Variants in SRPRB observed in about 807,000 individuals in gnomAD.
SRPRB encodes the protein signal recognition particle receptor subunit beta.
SRPRB carries 20 observed loss-of-function variants against 31.9 expected under a neutral mutation model. The observed-to-expected ratio is 0.63, with a 90% CI of 0.44 to 0.91. SRPRB has a LOEUF of 0.91. SRPRB is among the 40% of genes least tolerant of loss of function. The pLI is 0.00. For missense variants in SRPRB, 321 were observed against 324.9 expected, an observed-to-expected ratio of 0.99 and a Z score of 0.09; for synonymous variants, 146 against 132.8, an observed-to-expected ratio of 1.10 and a Z score of -0.68.
rs757208962 is a variant in SRPRB, at chr3:133,811,180, C to T, written c.391C>T (p.Arg131Trp). ...GAGTTTGAGGCTTCAGTTCTTAGAG[C>T]GGTTTAAGTCTTCAGCCAGGTAAGA... The part of the protein sequence containing the change: ...HESLRLQFLE[R>W]FKSSARAIVF... The change falls in exon 4 of 7, where the codon CGG (arginine) becomes TGG (tryptophan). Residue 131 changes from arginine to tryptophan, a missense_variant. Coordinates refer to ENST00000678299, the MANE Select transcript of SRPRB (RefSeq NM_001379313.1). 8.7e-6 allele frequency: 14 copies of T among 1,613,950 alleles called. No individual in the cohort carries two copies. Among genetic ancestry groups the T allele is most frequent in the Middle Eastern group, 1.6e-4 (1 of 6,084 alleles).
chr3:133,825,740 T>G (rs1240317628), downstream of SRPRB: 2 of 152,208 alleles, frequency 1.3e-5, no homozygotes, highest in Non-Finnish European at 2.9e-5. Flanking sequence ...GCTTTTAAGA[T>G]TCACCCCCTT....
At position 133,805,898 on chromosome 3, in the gene SRPRB, G is replaced by T. The variant is rs747654946; in HGVS notation, c.50G>T (p.Gly17Val). The T allele has an allele frequency of 3.7e-6, 6 of 1,613,614 alleles. No homozygotes were observed. The highest frequency in any genetic ancestry group is 5.1e-6 in the Non-Finnish European group (6 of 1,179,700). The change falls in exon 1 of 7, where the codon GGC (glycine) becomes GTC (valine). Residue 17 changes from glycine (G) to valine (V), a missense_variant. Transcript: ENST00000678299. ...GTGGCAGATGGCGGCGGTGCCGGGG[G>T]CACCTTCCAGCCCTACCTAGACACC... Reference protein sequence around the residue: ...RRVADGGGAGGTFQPYLDTLR... With the variant: ...RRVADGGGAGVTFQPYLDTLR...
intron 2 of SRPRB, 70 bp downstream of exon 2, chr3:133,806,773 C>G: frequency 1.7e-6 from 2 of 1,181,792 alleles, no homozygotes; most frequent in Non-Finnish European, 1.2e-6. Flanking sequence ...TTCCTGTCAT[C>G]TCACGGTTTA....
At chr3:133,787,567 A>G (rs1354492158) in intron 1 of SRPRB, 2 of 152,242 alleles carry the variant, frequency 1.3e-5, no homozygotes, top group Non-Finnish European at 2.9e-5. Flanking sequence ...TTTTGTAAAT[A>G]GCTTTTAAAA....
At chr3:133,812,622 C>T (rs1576383579) in intron 4 of SRPRB, among the ~76,000 whole-genome samples, 1 of 152,258 alleles carries the variant, frequency 6.6e-6, no homozygotes, top group East Asian at 1.9e-4. Flanking sequence ...CCAAGTTTCC[C>T]TAGTGGCTAT....
upstream of SRPRB, among the ~76,000 whole-genome samples, chr3:133,801,197 A>G (rs1371851485): frequency 6.6e-6 from 1 of 152,188 alleles, no homozygotes; most frequent in African/African-American, 2.4e-5. Flanking sequence ...GGTGAATGGG[A>G]CATTTTAGTT....
At position 133,806,794 on chromosome 3, in the gene SRPRB, G is replaced by T. The variant is rs1194155045; in HGVS notation, c.249+91G>T. 4.0e-6 allele frequency: 4 copies of T among 1,002,574 alleles called. No homozygotes were observed. The African/African-American group carries it at 6.4e-5, about 16-fold the overall frequency. The allele number at this position is 1,002,574 out of a possible 1,614,324, so 62.1% of individuals were successfully genotyped here. A position where few individuals can be genotyped will look rare whatever the true frequency, so the allele number is the denominator to read the frequency against. On this transcript the variant is annotated intron_variant, in intron 2 of 6. Coordinates refer to ENST00000678299, the MANE Select transcript of SRPRB (RefSeq NM_001379313.1). ...TCATCTCACGGTTTATTTTGTAAAA[G>T]AAGCTGATGCTGTTAAATTTGGAAG... is the stretch of plus-strand genomic sequence containing the variant.
At chr3:133,808,864 T>C (rs1349096782) in intron 3 of SRPRB, among the ~76,000 whole-genome samples, 2 of 140,092 alleles carry the variant, frequency 1.4e-5, no homozygotes, top group African/African-American at 2.7e-5. Context: ...CACTCCAGCC[T>C]GGGCAATAGA....
At chr3:133,792,308 CA>C (rs1343530394) in intron 1 of SRPRB, 3 of 152,250 alleles carry the variant, frequency 2.0e-5, no homozygotes, top group South Asian at 4.2e-4. Context: ...GTTAGAAAGT[CA>C]AAGCATGTCG....
At position 133,812,944 on chromosome 3, in the gene SRPRB, T is replaced by C. The variant is rs115657760; in HGVS notation, c.410+1745T>C. On this transcript the variant is annotated intron_variant, in intron 4 of 6. Coordinates refer to ENST00000678299, the MANE Select transcript of SRPRB (RefSeq NM_001379313.1). ...AGATTCAGTTTTCCCTCACTGAGTA[T>C]ATCTTTTAGAAGTGTTTCCAGAGAG... is the stretch of plus-strand genomic sequence containing the variant. Among the ~76,000 whole-genome samples the C allele has an allele frequency of 8.1e-3, 1,233 of 152,338 alleles. 16 individuals are homozygous for C. Among genetic ancestry groups the C allele is most frequent in the African/African-American group, 0.028 (1,164 of 41,560 alleles).
intron 6 of SRPRB, 78 bp downstream of exon 6, chr3:133,817,010 G>A (rs984190451): frequency 3.5e-5 from 42 of 1,199,326 alleles, no homozygotes; most frequent in Non-Finnish European, 4.8e-5. Flanking sequence ...TGTTTCTTTT[G>A]TTTGGTTTTA....
chr3:133,791,370 A>C (rs1934826707), intron 1 of SRPRB: 1 of 152,184 alleles, frequency 6.6e-6, no homozygotes, highest in Admixed American at 6.5e-5. Flanking sequence ...GTTTGTTTGC[A>C]TATAGTCAAG....
In SRPRB at chr3:133,807,743, C is replaced by T. The variant is rs753155489; in HGVS notation, c.250-3C>T. ...AATATCACCCATCTTGTTTTTTTTACAGTTGTTAACAGGCCTTTATAGAGA... is the reference window on the plus strand; with the variant it reads ...AATATCACCCATCTTGTTTTTTTTATAGTTGTTAACAGGCCTTTATAGAGA... On this transcript the variant is annotated splice_polypyrimidine_tract_variant and splice_region_variant and intron_variant, in intron 2 of 6. Coordinates refer to ENST00000678299, the MANE Select transcript of SRPRB (RefSeq NM_001379313.1). 1 of 1,605,878 alleles carries T rather than the reference C, an allele frequency of 6.2e-7. No homozygotes were observed. Among genetic ancestry groups the T allele is most frequent in the East Asian group, 2.2e-5 (1 of 44,726 alleles).
intron 4 of SRPRB, among the ~76,000 whole-genome samples, chr3:133,813,833 A>G (rs989541133): frequency 1.3e-5 from 2 of 152,240 alleles, no homozygotes; most frequent in Non-Finnish European, 2.9e-5. Context: ...TAAGCGGTTC[A>G]TAGTTCCTTC....
intron 1 of SRPRB, chr3:133,787,928 T>C (rs1384570601): frequency 2.0e-5 from 3 of 152,206 alleles, no homozygotes; most frequent in Non-Finnish European, 4.4e-5. Context: ...AAACGACTTT[T>C]GGAAGTGAAA....
chr3:133,811,953 G>A (rs2107971720), intron 4 of SRPRB, among the ~76,000 whole-genome samples: 1 of 152,022 alleles, frequency 6.6e-6, no homozygotes, highest in Admixed American at 6.5e-5. Flanking sequence ...ATTTCTTTTA[G>A]TGTGTGCTCT....
Position 133,806,613 on chromosome 3 carries a change from C to A in SRPRB, c.159C>A (p.Phe53Leu). 6.2e-7 allele frequency: 1 copy of A among 1,613,884 alleles called. No individual in the cohort carries two copies. Among genetic ancestry groups the A allele is most frequent in the South Asian group, 1.1e-5 (1 of 91,068 alleles). Reference protein sequence around the residue: ...AVLAVLLTLVFWKLIRSRRSS... With the variant: ...AVLAVLLTLVLWKLIRSRRSS... Reference sequence around the variant, plus strand: ...TTTTCTCTGTCTATTCCACAGTCTTCTGGAAGTTAATCCGGAGCAGAAGGA... The same window carrying A: ...TTTTCTCTGTCTATTCCACAGTCTTATGGAAGTTAATCCGGAGCAGAAGGA... The change falls in exon 2 of 7, where the codon TTC becomes TTA. Residue 53 changes from phenylalanine to leucine, a missense_variant. Coordinates refer to ENST00000678299, the MANE Select transcript of SRPRB (RefSeq NM_001379313.1).
chr3:133,808,825 G>A (rs1311290587), intron 3 of SRPRB, among the ~76,000 whole-genome samples: 2 of 150,318 alleles, frequency 1.3e-5, no homozygotes, highest in African/African-American at 2.5e-5. Flanking sequence ...GGGAGGTGGA[G>A]GTGGCAGTGA....
At chr3:133,807,850 C>G in intron 3 of SRPRB, 27 bp downstream of exon 3, 1 of 1,565,566 alleles carries the variant, frequency 6.4e-7, no homozygotes, top group Non-Finnish European at 8.7e-7. Flanking sequence ...GTTTTGGAGT[C>G]TGACAGTCTT....
Sources: allele counts gnomAD v4.1 joint callset (sites outside exome capture counted in the v4.1 genomes callset), GRCh38; gene constraint gnomAD v4.1.1; transcripts MANE v1.5; gene names NCBI Gene and HGNC (gene_info 2026-07-23, HGNC 2026-07-21).